The following NAT1 variants were observed in gnomAD, a reference collection of about 807,000 sequenced individuals.
NAT1 encodes N-acetyltransferase 1.
For synonymous variants in NAT1, 144 were observed against 122.6 expected (o/e 1.17, Z -1.16); for missense variants, 400 against 339.2 (o/e 1.18, Z -1.41).
chr8:18,173,572 C>A (rs1802179112), intron 2 of NAT1, among the ~76,000 whole-genome samples: 1 of 152,136 alleles, frequency 6.6e-6, no homozygotes, highest in Admixed American at 6.5e-5. Context: ...CACTGAGGCA[C>A]AGAAAATAGT....
chr8:18,181,943 C>A (rs992263674), intron 2 of NAT1, among the ~76,000 whole-genome samples: 1 of 152,136 alleles, frequency 6.6e-6, no homozygotes, highest in African/African-American at 2.4e-5. Context: ...TGTGGGGGCT[C>A]TGCCTGTGCT....
intron 2 of NAT1, among the ~76,000 whole-genome samples, chr8:18,180,250 A>T (rs1386744840): frequency 2.0e-5 from 3 of 152,140 alleles, no homozygotes; most frequent in African/African-American, 7.2e-5. Context: ...TAGGAAAATT[A>T]GTGCTAGAGT....
At chr8:18,208,617 T>C (rs10888150), upstream of NAT1, among the ~76,000 whole-genome samples, 72,604 of 152,108 alleles carry the variant, frequency 0.48, 19,211 homozygotes, top group Non-Finnish European at 0.59. Context: ...GTTCAACAAA[T>C]ATCCTCACGA....
At chr8:18,193,729 C>T (rs185164770) in intron 2 of NAT1, among the ~76,000 whole-genome samples, 2,115 of 148,938 alleles carry the variant, frequency 0.014, 53 homozygotes, top group African/African-American at 0.05. Flanking sequence ...ACAACCTCCG[C>T]CTCCTGGGTT....
chr8:18,217,035 A>C (rs1457067981), intron 1 of NAT1: 3 of 1,327,702 alleles, frequency 2.3e-6, no homozygotes, highest in East Asian at 5.1e-5. Flanking sequence ...TCGCATACAA[A>C]AAGGGAGAAA....
chr8:18,210,091 G>A (rs1317364632), upstream of NAT1: 1 of 152,170 alleles, frequency 6.6e-6, no homozygotes, highest in Non-Finnish European at 1.5e-5. Context: ...TTCCCCTGCA[G>A]ACTTTGGAAG....
intron 2 of NAT1, among the ~76,000 whole-genome samples, chr8:18,202,897 C>T (rs369445676): frequency 6.6e-6 from 1 of 152,282 alleles, no homozygotes; most frequent in East Asian, 1.9e-4. Context: ...GTCCCACACA[C>T]GTCCTGCTGA....
chr8:18,184,304 T>C (rs1257490923), intron 2 of NAT1, among the ~76,000 whole-genome samples: 3 of 152,136 alleles, frequency 2.0e-5, no homozygotes, highest in East Asian at 3.9e-4. Flanking sequence ...TGCATTAGAA[T>C]GCATGGATCA....
rs1468222480 is a variant in NAT1, at chr8:18,222,769, A to G, written c.722A>G (p.His241Arg). Residue 241 changes from histidine (H) to arginine (R), a missense_variant, in exon 3 of 3, where the codon CAT becomes CGT. Coordinates refer to ENST00000307719, the MANE Select transcript of NAT1 (RefSeq NM_000662.8). ...TGTTTGGTGGGCTTCACCCTCACCC[A>G]TAGGAGATTCAATTATAAGGACAAT... ...VHCLVGFTLT[H>R]RRFNYKDNTD... 1 of 1,613,668 alleles carries G rather than the reference A, an allele frequency of 6.2e-7. No individual in the cohort carries two copies. Among genetic ancestry groups the G allele is most frequent in the Non-Finnish European group, 8.5e-7 (1 of 1,179,862 alleles).
At chr8:18,193,728 G>A (rs952811722) in intron 2 of NAT1, among the ~76,000 whole-genome samples, 5 of 124,500 alleles carry the variant, frequency 4.0e-5, no homozygotes, top group African/African-American at 9.1e-5. Context: ...TACAACCTCC[G>A]CCTCCTGGGT....
At chr8:18,180,948 G>C (rs1802485654) in intron 2 of NAT1, among the ~76,000 whole-genome samples, 1 of 152,052 alleles carries the variant, frequency 6.6e-6, no homozygotes, top group South Asian at 2.1e-4. Flanking sequence ...GATGCTTCTA[G>C]TTATATTCTT....
At chr8:18,171,630 A>C (rs1209288896) in intron 2 of NAT1, among the ~76,000 whole-genome samples, 3 of 152,142 alleles carry the variant, frequency 2.0e-5, no homozygotes, top group Non-Finnish European at 4.4e-5. Context: ...CAAACAAAAC[A>C]AAAAAACCTC....
chr8:18,177,367 T>C (rs944459172), intron 2 of NAT1, among the ~76,000 whole-genome samples: 4 of 152,126 alleles, frequency 2.6e-5, no homozygotes, highest in Admixed American at 6.6e-5. Context: ...TATATAGTTA[T>C]ATGAGCATTA....
At chr8:18,181,966 G>A (rs1676484473) in intron 2 of NAT1, among the ~76,000 whole-genome samples, 1 of 152,064 alleles carries the variant, frequency 6.6e-6, no homozygotes, top group African/African-American at 2.4e-5. Flanking sequence ...GTTGCACCGT[G>A]GCAGGCCTGA....
At chr8:18,212,349 T>G (rs897737010) in intron 1 of NAT1, 3 of 152,224 alleles carry the variant, frequency 2.0e-5, no homozygotes, top group Non-Finnish European at 4.4e-5. Context: ...CCTCTAGAAG[T>G]TGCCTCATTC....
Position 18,185,320 on chromosome 8 carries a change from A to G in NAT1, n.92+14581A>G, listed in dbSNP as rs755693313. ...TGAATTTTTTAAATTTATAGATTCC[A>G]TTCCTTTAATAGTTTCAGGATTATT... On this transcript the variant is annotated intron_variant and non_coding_transcript_variant, in intron 2 of 4. Coordinates refer to the NAT1 transcript ENST00000517441. Among the ~76,000 whole-genome samples the G allele has an allele frequency of 1.6e-3, 246 of 152,284 alleles. 2 individuals carry two copies. The highest frequency in any genetic ancestry group is 1.4e-3 in the Non-Finnish European group (97 of 68,018).
rs147315930 is a variant in NAT1 at position 18,201,412 on chromosome 8, G to C, written n.93-8369G>C. Among the ~76,000 whole-genome samples, 825 of 152,192 alleles carry C rather than the reference G, an allele frequency of 5.4e-3. 10 individuals carry two copies. The highest frequency in any genetic ancestry group is 0.019 in the African/African-American group (788 of 41,496). On this transcript the variant is annotated intron_variant and non_coding_transcript_variant, in intron 2 of 4. Coordinates refer to the NAT1 transcript ENST00000517441. ...GAAGAGAAGACCCTCACTGCAATCA[G>C]GCATCCAGGACAGTGATCATATGGT...
intron 1 of NAT1, 66 bp from the exon 2 acceptor site, chr8:18,219,345 A>G (rs28359524): frequency 0.017 from 18,908 of 1,104,856 alleles, 228 homozygotes; most frequent in Non-Finnish European, 0.02. Context: ...CGGTCTACAA[A>G]ACTATTATTT....
At chr8:18,184,184 T>C (rs1034567597) in intron 2 of NAT1, among the ~76,000 whole-genome samples, 7 of 152,160 alleles carry the variant, frequency 4.6e-5, no homozygotes, top group Non-Finnish European at 8.8e-5. Context: ...TTGAAGAAAT[T>C]CATGCCTCCT....
Sources: allele counts gnomAD v4.1 joint callset (sites outside exome capture counted in the v4.1 genomes callset), GRCh38; gene constraint gnomAD v4.1.1; transcripts MANE v1.5; gene names NCBI Gene and HGNC (gene_info 2026-07-23, HGNC 2026-07-21).